Variants in ZNF407 observed in about 807,000 individuals in gnomAD.
The protein encoded by ZNF407 is zinc finger protein 407.
ZNF407 carries 17 observed loss-of-function variants against 131.2 expected under a neutral mutation model. That is an observed-to-expected ratio of 0.13 (90% CI 0.09 to 0.19). The LOEUF (loss-of-function observed/expected upper bound fraction) is 0.19. ZNF407 is among the 10% of genes least tolerant of loss of function. The pLI, the probability that ZNF407 is intolerant of heterozygous loss-of-function variation, is 1.00. For missense variants in ZNF407, 2,681 were observed against 2,830.6 expected (o/e 0.95, Z 1.20); for synonymous variants, 1,156 against 1,062.0 (o/e 1.09, Z -1.72).
At chr18:74,881,935 T>C (rs1971244379) in intron 6 of ZNF407, among the ~76,000 whole-genome samples, 1 of 152,188 alleles carries the variant, frequency 6.6e-6, no homozygotes, top group South Asian at 2.1e-4. Flanking sequence ...AAGGCACATC[T>C]TACATGGCGA....
intron 4 of ZNF407, among the ~76,000 whole-genome samples, chr18:74,822,741 T>C (rs1970358173): frequency 6.6e-6 from 1 of 152,200 alleles, no homozygotes; most frequent in Admixed American, 6.5e-5. Context: ...TTGTCTTGGC[T>C]ATGTGGGCAG....
At chr18:74,921,290 T>C (rs1171371427) in intron 8 of ZNF407, among the ~76,000 whole-genome samples, 1 of 152,206 alleles carries the variant, frequency 6.6e-6, no homozygotes, top group African/African-American at 2.4e-5. Flanking sequence ...GTGTCAGCGA[T>C]GTGGCTGCAA....
chr18:74,848,779 T>C (rs904998022), intron 4 of ZNF407, among the ~76,000 whole-genome samples: 7 of 152,124 alleles, frequency 4.6e-5, no homozygotes, highest in Non-Finnish European at 2.9e-5. Context: ...GTTTCCACAG[T>C]ATAAAGGTGA....
In ZNF407 at chr18:75,014,603, C is replaced by CT. The variant is rs1285650651; in HGVS notation, c.5429-48540dup. ...CCCTCGTAAGTGGTCAGATTCTTAA[C>CT]TTTTTTTCTTCACCATCTTAAAACC... is the stretch of plus-strand genomic sequence containing the variant. On this transcript the variant is annotated intron_variant, in intron 8 of 8. Coordinates refer to ENST00000299687, the MANE Select transcript of ZNF407 (RefSeq NM_017757.3). 6.1e-4 allele frequency among the ~76,000 whole-genome samples: 93 copies of CT among 152,168 alleles called. 1 individual carries two copies. The highest frequency in any genetic ancestry group is 6.0e-3 in the Admixed American group (92 of 15,274).
At chr18:75,033,518 C>T (rs1024958670) in intron 8 of ZNF407, among the ~76,000 whole-genome samples, 1 of 152,124 alleles carries the variant, frequency 6.6e-6, no homozygotes, top group Non-Finnish European at 1.5e-5. Flanking sequence ...ATAGACACTC[C>T]GTCCCTTGTG....
chr18:74,721,591 A>C (rs562406008), intron 3 of ZNF407, among the ~76,000 whole-genome samples: 22 of 152,310 alleles, frequency 1.4e-4, no homozygotes, highest in Non-Finnish European at 2.8e-4. Context: ...GTTTCTGTGA[A>C]AAATTTTTTT....
At chr18:75,035,069 A>C (rs890519157) in intron 8 of ZNF407, among the ~76,000 whole-genome samples, 2 of 152,236 alleles carry the variant, frequency 1.3e-5, no homozygotes, top group Admixed American at 6.5e-5. Context: ...TTTGTCATCT[A>C]ATACGGCACT....
At chr18:74,785,903 GAC>G (rs978800926) in intron 4 of ZNF407, among the ~76,000 whole-genome samples, 2 of 151,534 alleles carry the variant, frequency 1.3e-5, no homozygotes, top group Non-Finnish European at 2.9e-5. Context: ...ACTCACATGG[GAC>G]ACACATGTCA....
At chr18:74,799,593 G>T (rs1433259308) in intron 4 of ZNF407, among the ~76,000 whole-genome samples, 2 of 152,110 alleles carry the variant, frequency 1.3e-5, no homozygotes, top group Non-Finnish European at 2.9e-5. Flanking sequence ...AAAGGAGTAA[G>T]TTGGACATTG....
At chr18:74,989,570 G>A (rs975968864) in intron 8 of ZNF407, among the ~76,000 whole-genome samples, 5 of 152,104 alleles carry the variant, frequency 3.3e-5, no homozygotes, top group South Asian at 2.1e-4. Flanking sequence ...GGCTGGGGGC[G>A]GTGGCTCACA....
intron 8 of ZNF407, among the ~76,000 whole-genome samples, chr18:74,992,368 T>C (rs755202956): frequency 3.3e-5 from 5 of 151,944 alleles, no homozygotes; most frequent in East Asian, 1.9e-4. Context: ...GATTGGAAGG[T>C]CTGGGTAGGC....
intron 4 of ZNF407, among the ~76,000 whole-genome samples, chr18:74,831,026 A>G (rs142636848): frequency 1.7e-3 from 261 of 152,260 alleles, no homozygotes; most frequent in African/African-American, 6.0e-3. Context: ...AGAGTTTATA[A>G]CTTTCTGTTC....
At chr18:74,846,665 C>A (rs1383837224) in intron 4 of ZNF407, among the ~76,000 whole-genome samples, 1 of 151,468 alleles carries the variant, frequency 6.6e-6, no homozygotes, top group Admixed American at 6.6e-5. Flanking sequence ...AAATATTGAA[C>A]ACCTTTAGAG....
At chr18:74,875,987 G>T (rs577229268) in intron 4 of ZNF407, among the ~76,000 whole-genome samples, 1 of 152,130 alleles carries the variant, frequency 6.6e-6, no homozygotes, top group Non-Finnish European at 1.5e-5. Flanking sequence ...TCCGAGTGAT[G>T]AATTTGTTAA....
intron 8 of ZNF407, among the ~76,000 whole-genome samples, chr18:74,946,320 T>C (rs945508423): frequency 1.4e-4 from 21 of 152,214 alleles, no homozygotes; most frequent in African/African-American, 4.6e-4. Context: ...AGGGAGGTTG[T>C]GTGATTCTAA....
At chr18:74,720,482 T>C (rs1968004568) in intron 3 of ZNF407, among the ~76,000 whole-genome samples, 2 of 152,150 alleles carry the variant, frequency 1.3e-5, no homozygotes, top group South Asian at 4.1e-4. Context: ...TTTTTTCTTT[T>C]GCTGTGCAGA....
At chr18:74,775,379 A>G (rs1969447290) in intron 3 of ZNF407, among the ~76,000 whole-genome samples, 1 of 152,232 alleles carries the variant, frequency 6.6e-6, no homozygotes, top group Non-Finnish European at 1.5e-5. Flanking sequence ...ACTGTGTTAC[A>G]TAGCTAGCCA....
chr18:74,713,108 T>C (rs1266591092), intron 3 of ZNF407, among the ~76,000 whole-genome samples: 6 of 152,210 alleles, frequency 3.9e-5, no homozygotes, highest in Non-Finnish European at 7.3e-5. Flanking sequence ...TTCAGTTTTC[T>C]GAACGGTACA....
intron 1 of ZNF407, among the ~76,000 whole-genome samples, chr18:74,627,906 A>G (rs1983872881): frequency 7.7e-6 from 1 of 129,102 alleles, no homozygotes; most frequent in African/African-American, 3.0e-5. Context: ...ACAGGGTCTC[A>G]CTCTGTTGCC....
Sources: gnomAD v4.1 joint callset for allele counts (sites outside exome capture counted in the v4.1 genomes callset) on GRCh38, gnomAD v4.1.1 for gene constraint, MANE v1.5 for transcripts, NCBI Gene and HGNC (gene_info 2026-07-23, HGNC 2026-07-21) for gene names.